Variants in AUTS2 observed in about 807,000 individuals in gnomAD.
AUTS2 encodes the protein activator of transcription and developmental regulator AUTS2, also known as autism susceptibility gene 2 protein.
A neutral mutation model predicts 112.4 loss-of-function variants in AUTS2; 17 were observed. The ratio of observed to expected loss-of-function variants is 0.15; its 90% CI spans 0.10 to 0.23. AUTS2 has a LOEUF of 0.23. Ranked by LOEUF, AUTS2 falls within the 10% of genes least tolerant of loss-of-function variation. The pLI is 1.00. For synonymous variants in AUTS2, 751 were observed against 702.7 expected, an observed-to-expected ratio of 1.07 and a Z score of -1.09; for missense variants, 1,510 against 1,701.6, an observed-to-expected ratio of 0.89 and a Z score of 1.98.
chr7:69,827,930 G>A lies in AUTS2; in HGVS notation c.310-71356G>A, dbSNP rs146666069. ...ATTTTGCCTCGTGTCTTTTGTAGAC[G>A]AGAGTGCTCTGCAGTAATTCTTTTG... On this transcript the variant is annotated intron_variant, in intron 1 of 18. Coordinates refer to ENST00000342771, the MANE Select transcript of AUTS2 (RefSeq NM_015570.4). Among the ~76,000 whole-genome samples, 554 of 152,276 alleles carry A rather than the reference G, an allele frequency of 3.6e-3. 3 individuals carry two copies. Among genetic ancestry groups the A allele is most frequent in the Middle Eastern group, 0.01 (3 of 294 alleles).
chr7:70,209,766 C>T (rs1810760637), intron 4 of AUTS2, among the ~76,000 whole-genome samples: 1 of 152,164 alleles, frequency 6.6e-6, no homozygotes, highest in Non-Finnish European at 1.5e-5. Context: ...TTCTCCTTTA[C>T]TACAACCGAT....
At chr7:69,637,070 T>C (rs1403774244) in intron 1 of AUTS2, among the ~76,000 whole-genome samples, 2 of 152,212 alleles carry the variant, frequency 1.3e-5, no homozygotes, top group Admixed American at 1.3e-4. Context: ...CGGCCTGTCC[T>C]ATAACATTTT....
At position 69,623,381 on chromosome 7, in the gene AUTS2, A is replaced by ATTTTTTTTTTTTTTTTTTTTT. The variant is rs56204810; in HGVS notation, c.309+23424_309+23444dup. 4.2e-5 allele frequency among the ~76,000 whole-genome samples: 3 copies of ATTTTTTTTTTTTTTTTTTTTT among 71,952 alleles called. 1 individual carries two copies. Among genetic ancestry groups the ATTTTTTTTTTTTTTTTTTTTT allele is most frequent in the Non-Finnish European group, 7.4e-5 (3 of 40,272 alleles). The allele number at this position is 71,952 out of a possible 152,430, so 47.2% of individuals were successfully genotyped here. On this transcript the variant is annotated intron_variant, in intron 1 of 18. Transcript: ENST00000342771. The stretch of plus-strand genomic sequence containing the variant: ...GGGACTACCACCACCACGCCCAGCA[A>ATTTTTTTTTTTTTTTTTTTTT]TTTTTTTTTTTTTTTTTTTTTTTTT...
chr7:69,610,646 G>A (rs1335094206), intron 1 of AUTS2, among the ~76,000 whole-genome samples: 1 of 152,162 alleles, frequency 6.6e-6, no homozygotes, highest in African/African-American at 2.4e-5. Flanking sequence ...CACTTGGTCG[G>A]TGCTTCCAGG....
intron 2 of AUTS2, among the ~76,000 whole-genome samples, chr7:69,972,677 G>A (rs1465445984): frequency 7.9e-6 from 1 of 126,826 alleles, no homozygotes. Context: ...GTGCATGTGT[G>A]TGTGTGTGTG....
At chr7:70,487,589 G>T (rs886547739) in intron 5 of AUTS2, among the ~76,000 whole-genome samples, 1 of 152,206 alleles carries the variant, frequency 6.6e-6, no homozygotes, top group African/African-American at 2.4e-5. Flanking sequence ...ATTGGGAGAG[G>T]GAAATGAGTT....
intron 5 of AUTS2, among the ~76,000 whole-genome samples, chr7:70,678,168 T>A (rs1481001813): frequency 6.6e-6 from 1 of 152,212 alleles, no homozygotes; most frequent in African/African-American, 2.4e-5. Flanking sequence ...TCCTAAATTA[T>A]AAGTTTCCTA....
At chr7:69,721,471 G>T (rs1044203459) in intron 1 of AUTS2, among the ~76,000 whole-genome samples, 2 of 152,160 alleles carry the variant, frequency 1.3e-5, no homozygotes, top group African/African-American at 4.8e-5. Context: ...TCTGCTAGAA[G>T]TAAGTTCTTT....
chr7:70,523,793 A>AG (rs1799735695), intron 5 of AUTS2, among the ~76,000 whole-genome samples: 1 of 152,222 alleles, frequency 6.6e-6, no homozygotes, highest in South Asian at 2.1e-4. Context: ...ACACCTGCCC[A>AG]GCAGGAAGGA....
chr7:70,448,245 A>T (rs1796396416), intron 5 of AUTS2, among the ~76,000 whole-genome samples: 1 of 152,142 alleles, frequency 6.6e-6, no homozygotes, highest in African/African-American at 2.4e-5. Flanking sequence ...CCTGGACAGA[A>T]TGGACAAGCC....
At chr7:70,210,015 T>A (rs1188682638) in intron 4 of AUTS2, among the ~76,000 whole-genome samples, 2 of 152,144 alleles carry the variant, frequency 1.3e-5, no homozygotes, top group Admixed American at 6.5e-5. Flanking sequence ...ACAAGATTTT[T>A]AAAAATGGAT....
intron 5 of AUTS2, among the ~76,000 whole-genome samples, chr7:70,457,273 C>T (rs1796778762): frequency 6.6e-6 from 1 of 152,170 alleles, no homozygotes; most frequent in Admixed American, 6.5e-5. Flanking sequence ...CTTTACCCAC[C>T]CCGTGGAATG....
At chr7:69,843,684 A>G (rs1415488946) in intron 1 of AUTS2, among the ~76,000 whole-genome samples, 1 of 152,190 alleles carries the variant, frequency 6.6e-6, no homozygotes, top group East Asian at 1.9e-4. Context: ...ATTTCCTCAG[A>G]GGCTAGTTTC....
At chr7:70,426,682 A>C (rs987784080) in intron 4 of AUTS2, among the ~76,000 whole-genome samples, 2 of 152,132 alleles carry the variant, frequency 1.3e-5, no homozygotes, top group Non-Finnish European at 2.9e-5. Context: ...TAAAGTAATG[A>C]GCTATGGCAC....
At chr7:70,787,488 C>T in intron 18 of AUTS2, 57 bp downstream of exon 18, 1 of 1,299,640 alleles carries the variant, frequency 7.7e-7, no homozygotes, top group Non-Finnish European at 1.1e-6. Context: ...ATGCCAAGTA[C>T]CAGTGGAACT....
At chr7:70,192,713 T>C (rs775587178) in intron 4 of AUTS2, among the ~76,000 whole-genome samples, 2 of 152,154 alleles carry the variant, frequency 1.3e-5, no homozygotes, top group Non-Finnish European at 2.9e-5. Flanking sequence ...TCCTTATTAG[T>C]CTGAACACAT....
intron 2 of AUTS2, among the ~76,000 whole-genome samples, chr7:70,040,707 G>C (rs1025670827): frequency 6.6e-6 from 1 of 152,206 alleles, no homozygotes; most frequent in Non-Finnish European, 1.5e-5. Flanking sequence ...ATGGCATGCT[G>C]TGTGGACATG....
chr7:70,114,230 G>T (rs984999875), intron 2 of AUTS2, among the ~76,000 whole-genome samples: 4 of 152,124 alleles, frequency 2.6e-5, no homozygotes, highest in African/African-American at 9.7e-5. Context: ...AATAAACAAG[G>T]TCCTGAAGTA....
At chr7:70,346,194 C>G (rs529951948) in intron 4 of AUTS2, among the ~76,000 whole-genome samples, 1 of 152,284 alleles carries the variant, frequency 6.6e-6, no homozygotes, top group East Asian at 1.9e-4. Context: ...TGTTTTTTGA[C>G]ATATGACACT....
Sources: allele counts gnomAD v4.1 joint callset (sites outside exome capture counted in the v4.1 genomes callset), GRCh38; gene constraint gnomAD v4.1.1; transcripts MANE v1.5; gene names NCBI Gene and HGNC (gene_info 2026-07-23, HGNC 2026-07-21).